PUS10: variants seen among roughly 807,000 people sequenced by gnomAD.
The protein encoded by PUS10 is pseudouridine synthase 10, also known as tRNA pseudouridine synthase Pus10.
PUS10 carries 59 observed loss-of-function variants against 75.0 expected under a neutral mutation model. That is an observed-to-expected ratio of 0.79 (90% CI 0.64 to 0.98). The LOEUF is 0.98. PUS10 is among the 50% of genes least tolerant of loss of function. The pLI is 0.00. For synonymous variants in PUS10, 219 were observed against 211.6 expected (o/e 1.03, Z -0.30); for missense variants, 650 against 614.4 (o/e 1.06, Z -0.61).
chr2:61,018,010 GT>G lies in PUS10; in HGVS notation c.-19del, dbSNP rs980391907. The G allele has an allele frequency of 2.9e-5, 39 of 1,364,612 alleles. No homozygotes were observed. In the African/African-American group the frequency reaches 5.2e-4, roughly 18 times the overall value. The allele number at this position is 1,364,612 out of a possible 1,614,324, so 84.5% of individuals were successfully genotyped here. A position where few individuals can be genotyped will look rare whatever the true frequency, so the allele number is the denominator to read the frequency against. On this transcript the variant is annotated 5_prime_UTR_variant, in exon 1 of 18. Coordinates refer to ENST00000316752, the MANE Select transcript of PUS10 (RefSeq NM_144709.4). ...CGAGGTGGAGCTGGGGCGCTTACCA[GT>G]GGGGACTTTAGTGTCTCACAGCTGT...
intron 4 of PUS10, among the ~76,000 whole-genome samples, chr2:61,005,395 T>C (rs549422599): frequency 5.3e-5 from 8 of 152,368 alleles, no homozygotes; most frequent in Middle Eastern, 6.8e-3. Flanking sequence ...TGAATCTTAA[T>C]GTAAAAATAT....
intron 4 of PUS10, among the ~76,000 whole-genome samples, chr2:60,986,308 T>C (rs1677722399): frequency 6.6e-6 from 1 of 152,222 alleles, no homozygotes; most frequent in African/African-American, 2.4e-5. Flanking sequence ...AGTTACCACA[T>C]GCATTTGAAT....
At chr2:60,962,377 GC>G (rs1465620686) in intron 9 of PUS10, among the ~76,000 whole-genome samples, 2 of 152,142 alleles carry the variant, frequency 1.3e-5, no homozygotes, top group African/African-American at 4.8e-5. Flanking sequence ...TTCAAGACCA[GC>G]CTGGCCAACG....
Position 61,018,172 on chromosome 2 carries a change from C to T in PUS10, c.-180G>A, listed in dbSNP as rs1470957863. 7 of 1,550,764 alleles carry T rather than the reference C, an allele frequency of 4.5e-6. No homozygotes were observed. Among genetic ancestry groups the T allele is most frequent in the East Asian group, 2.4e-5 (1 of 41,056 alleles). The stretch of plus-strand genomic sequence containing the variant: ...TTTTCACTTTGACAGAATGGCTTCT[C>T]TATCTTTAAAGCGTAGACTTTGGTC... On this transcript the variant is annotated 5_prime_UTR_variant, in exon 1 of 18. Transcript: ENST00000316752.
chr2:61,018,012 G>T lies in PUS10; in HGVS notation c.-20C>A. The T allele has an allele frequency of 2.2e-6, 3 of 1,363,256 alleles. No individual in the cohort carries two copies. The highest frequency in any genetic ancestry group is 3.0e-6 in the Non-Finnish European group (3 of 1,014,250). 84.4% of individuals were successfully genotyped at this position (1,363,256 alleles called of 1,614,324 possible). A position where few individuals can be genotyped will look rare whatever the true frequency, so the allele number is the denominator to read the frequency against. On this transcript the variant is annotated 5_prime_UTR_variant, in exon 1 of 18. Coordinates refer to ENST00000316752, the MANE Select transcript of PUS10 (RefSeq NM_144709.4). ...AGGTGGAGCTGGGGCGCTTACCAGT[G>T]GGGACTTTAGTGTCTCACAGCTGTT...
At chr2:60,993,792 T>A (rs1678267423) in intron 4 of PUS10, among the ~76,000 whole-genome samples, 2 of 152,088 alleles carry the variant, frequency 1.3e-5, no homozygotes, top group African/African-American at 2.4e-5. Context: ...TGCAATTGAT[T>A]GACACTTTTT....
At chr2:60,968,444 G>T (rs1460286227) in intron 5 of PUS10, among the ~76,000 whole-genome samples, 8 of 152,114 alleles carry the variant, frequency 5.3e-5, no homozygotes, top group African/African-American at 1.7e-4. Flanking sequence ...TGCTTTTAAT[G>T]AAAGAGATGT....
chr2:61,000,522 A>C (rs542889662), intron 4 of PUS10, among the ~76,000 whole-genome samples: 1 of 152,194 alleles, frequency 6.6e-6, no homozygotes, highest in Non-Finnish European at 1.5e-5. Flanking sequence ...GGAGGCTGTA[A>C]GTAGTAAATC....
intron 11 of PUS10, among the ~76,000 whole-genome samples, chr2:60,958,496 A>G (rs1265439041): frequency 6.6e-6 from 1 of 152,182 alleles, no homozygotes; most frequent in East Asian, 1.9e-4. Context: ...AGGGTCAGCC[A>G]TGTCTCATCT....
chr2:60,994,094 G>A (rs1376969612), intron 4 of PUS10, among the ~76,000 whole-genome samples: 1 of 150,846 alleles, frequency 6.6e-6, no homozygotes, highest in Non-Finnish European at 1.5e-5. Flanking sequence ...CGGCCAGATC[G>A]ACACTTCGTA....
chr2:60,966,006 T>G (rs1196305307), intron 6 of PUS10: 1 of 152,098 alleles, frequency 6.6e-6, no homozygotes, highest in African/African-American at 2.4e-5. Flanking sequence ...TATAAAATGA[T>G]CAAATACAAG....
At chr2:61,014,057 A>C (rs918689447) in intron 1 of PUS10, among the ~76,000 whole-genome samples, 10 of 151,196 alleles carry the variant, frequency 6.6e-5, no homozygotes, top group Non-Finnish European at 1.2e-4. Context: ...CAAAATAAAA[A>C]TCTGCCCCTT....
intron 4 of PUS10, among the ~76,000 whole-genome samples, chr2:60,994,384 C>CAA (rs35312310): frequency 1.7e-4 from 23 of 136,416 alleles, no homozygotes; most frequent in Admixed American, 3.0e-4. Context: ...TTCCTCAGAG[C>CAA]AAAAAAAAAA....
intron 1 of PUS10, among the ~76,000 whole-genome samples, chr2:61,016,760 G>C (rs1309215090): frequency 6.6e-6 from 1 of 152,126 alleles, no homozygotes; most frequent in East Asian, 1.9e-4. Flanking sequence ...ACGAGAAAAG[G>C]GGCAGGGTAT....
intron 4 of PUS10, among the ~76,000 whole-genome samples, chr2:60,980,361 A>G (rs766169449): frequency 3.3e-5 from 5 of 152,188 alleles, no homozygotes; most frequent in Admixed American, 6.5e-5. Flanking sequence ...AGGACTTTGT[A>G]CAGTGAAGCC....
intron 1 of PUS10, among the ~76,000 whole-genome samples, chr2:61,016,806 T>C (rs1219629204): frequency 5.9e-5 from 9 of 152,184 alleles, no homozygotes; most frequent in African/African-American, 2.2e-4. Context: ...CTGAGTCTCA[T>C]ATCCTAAGAT....
chr2:60,958,180 A>G (rs1191656128), intron 11 of PUS10, among the ~76,000 whole-genome samples: 1 of 152,210 alleles, frequency 6.6e-6, no homozygotes, highest in Non-Finnish European at 1.5e-5. Flanking sequence ...AGGTGGCCCC[A>G]AAAAGAATCC....
In PUS10 at chr2:61,008,799, T is replaced by G. The variant is rs1257833225; in HGVS notation, c.343A>C (p.Ile115Leu). 6.3e-7 allele frequency: 1 copy of G among 1,597,076 alleles called. No individual in the cohort carries two copies. The highest frequency in any genetic ancestry group is 2.2e-5 in the East Asian group (1 of 44,594). Residue 115 changes from isoleucine to leucine, a missense_variant, in exon 3 of 18, where the codon ATT becomes CTT. Transcript: ENST00000316752. ...TCTTTCTCACAGAATTCTTGAAGAA[T>G]TCCTAGGCATACATTACATACATTT... is the stretch of plus-strand genomic sequence containing the variant. ...NLNVCNVCLGILQEFCEKDFI... is the reference protein window; with the variant it reads ...NLNVCNVCLGLLQEFCEKDFI...
Position 60,945,026 on chromosome 2 carries a change from G to T in PUS10, c.1534C>A (p.Leu512Met). 1.2e-6 allele frequency: 2 copies of T among 1,613,330 alleles called. No homozygotes were observed. Among genetic ancestry groups the T allele is most frequent in the Non-Finnish European group, 1.7e-6 (2 of 1,179,272 alleles). The change falls in exon 17 of 18, where the codon CTG (leucine) becomes ATG (methionine). Residue 512 changes from leucine to methionine, a missense_variant. Physicochemically the swap from Leu to Met is conservative, Grantham distance 15. Transcript: ENST00000316752. ...TGGTTTACCTCAACATCCAGCTCCA[G>T]AATGTCTGCAGTCACATTCATCAGG... is the stretch of plus-strand genomic sequence containing the variant. ...GSLMNVTADI[L>M]ELDVESVDVD...
Sources: gnomAD v4.1 joint callset for allele counts (sites outside exome capture counted in the v4.1 genomes callset) on GRCh38, gnomAD v4.1.1 for gene constraint, MANE v1.5 for transcripts, NCBI Gene and HGNC (gene_info 2026-07-23, HGNC 2026-07-21) for gene names.